CLSTN1: variants seen among roughly 807,000 people sequenced by gnomAD.
The protein encoded by CLSTN1 is calsyntenin-1.
A neutral mutation model predicts 108.3 loss-of-function variants in CLSTN1; 28 were observed. That is an observed-to-expected ratio of 0.26 (90% CI 0.19 to 0.35). CLSTN1 has a LOEUF of 0.35. Ranked by LOEUF, CLSTN1 falls within the 10% of genes least tolerant of loss-of-function variation. The probability of loss-of-function intolerance (pLI) is 1.00; values close to 1 mark genes in which losing one functional copy is unlikely to be tolerated. For synonymous variants in CLSTN1, 524 were observed against 534.9 expected (o/e 0.98, Z 0.28); for missense variants, 1,157 against 1,302.6 (o/e 0.89, Z 1.72).
At chr1:9,814,085 G>C (rs1654876604) in intron 1 of CLSTN1, among the ~76,000 whole-genome samples, 1 of 151,276 alleles carries the variant, frequency 6.6e-6, no homozygotes, top group Admixed American at 6.6e-5. Context: ...CTGGGTGACA[G>C]AGCGAGACAC....
intron 15 of CLSTN1, 31 bp from the exon 16 acceptor site, chr1:9,733,577 G>A (rs772334768): frequency 2.5e-6 from 4 of 1,612,528 alleles, no homozygotes; most frequent in Admixed American, 1.7e-5. Flanking sequence ...AAGATTGCCG[G>A]GTGGCTTAGG....
intron 10 of CLSTN1, 41 bp downstream of exon 10, chr1:9,741,053 A>G (rs1453859498): frequency 6.3e-7 from 1 of 1,598,112 alleles, no homozygotes; most frequent in Non-Finnish European, 8.6e-7. Flanking sequence ...AAGAGGTACA[A>G]CTTAATTCTC....
At chr1:9,817,534 G>A (rs1197371362) in intron 1 of CLSTN1, among the ~76,000 whole-genome samples, 1 of 151,974 alleles carries the variant, frequency 6.6e-6, no homozygotes, top group Non-Finnish European at 1.5e-5. Context: ...CTCCATGTTG[G>A]TCAGGCTGGT....
At chr1:9,779,561 A>G (rs1369765489) in intron 1 of CLSTN1, among the ~76,000 whole-genome samples, 1 of 152,150 alleles carries the variant, frequency 6.6e-6, no homozygotes, top group Non-Finnish European at 1.5e-5. Context: ...AGCCTGGGCG[A>G]CAAGAGTGAA....
intron 8 of CLSTN1, 145 bp from the exon 9 acceptor site, chr1:9,744,150 T>C: frequency 2.4e-6 from 3 of 1,239,798 alleles, no homozygotes; most frequent in Non-Finnish European, 3.3e-6. Flanking sequence ...TAGAAACAAA[T>C]ACACTTGGGC....
Position 9,749,608 on chromosome 1 carries a change from C to T in CLSTN1, c.838G>A (p.Ala280Thr), listed in dbSNP as rs761776002. The T allele has an allele frequency of 5.6e-6, 9 of 1,614,076 alleles. No homozygotes were observed. The East Asian group carries it at 1.6e-4, about 28-fold the overall frequency. ...TGGATATTTGGAAAGACGGCCAACG[C>T]GCCGGTGCCCGGCTCATACTCAATC... ...NRIEYEPGTG[A>T]LAVFPNIHLE... The change falls in exon 7 of 19, where the codon GCG (alanine) becomes ACG (threonine). Residue 280 changes from alanine to threonine, a missense_variant. Coordinates refer to ENST00000377298, the MANE Select transcript of CLSTN1 (RefSeq NM_001009566.3).
intron 2 of CLSTN1, among the ~76,000 whole-genome samples, chr1:9,769,370 C>CA (rs1253970424): frequency 6.6e-6 from 1 of 151,956 alleles, no homozygotes; most frequent in Non-Finnish European, 1.5e-5. Context: ...CCATAATAGC[C>CA]AAAAAGTAGA....
intron 1 of CLSTN1, among the ~76,000 whole-genome samples, chr1:9,821,185 T>A (rs1324877977): frequency 6.6e-6 from 1 of 152,212 alleles, no homozygotes; most frequent in Non-Finnish European, 1.5e-5. Flanking sequence ...CAGGCTGGAG[T>A]GCAGTGGCGC....
In CLSTN1 at chr1:9,744,435, G is replaced by A; in HGVS notation, c.1194C>T (p.Gly398=). The change falls in exon 8 of 19, where the codon GGC becomes GGT. Residue 398 remains glycine (G), a synonymous_variant. Transcript: ENST00000377298. ...ISVWMRHGPF[G]RKKETILCSS... ...TGCAAAGAATTGTCTCCTTCTTCCT[G>A]CCGAATGGCCCATGTCTCATCCACA... 6.2e-7 allele frequency: 1 copy of A among 1,610,430 alleles called. No individual in the cohort carries two copies. The highest frequency in any genetic ancestry group is 8.5e-7 in the Non-Finnish European group (1 of 1,179,970).
chr1:9,765,790 G>A (rs1652300581), intron 2 of CLSTN1, among the ~76,000 whole-genome samples: 3 of 152,034 alleles, frequency 2.0e-5, no homozygotes, highest in South Asian at 4.2e-4. Flanking sequence ...GGCTGAGGCA[G>A]GAGAATCGCT....
intron 1 of CLSTN1, among the ~76,000 whole-genome samples, chr1:9,804,029 G>A (rs1055006893): frequency 1.4e-4 from 21 of 152,114 alleles, no homozygotes; most frequent in African/African-American, 4.6e-4. Flanking sequence ...TGATTTTAAC[G>A]TTTACTTATA....
chr1:9,753,051 T>C (rs1027172789), intron 4 of CLSTN1, among the ~76,000 whole-genome samples: 3 of 152,102 alleles, frequency 2.0e-5, no homozygotes, highest in Non-Finnish European at 4.4e-5. Flanking sequence ...CCAGCCTTTT[T>C]GGCACCAAGG....
rs143844705 is a variant in CLSTN1 at position 9,738,041 on chromosome 1, C to T, written c.1520-487G>A. On this transcript the variant is annotated intron_variant, in intron 10 of 18. Transcript: ENST00000377298. Reference sequence around the variant, plus strand: ...CCAAGCCTGGTACACAGTAAGCATGCGGAAGTCTGTATATTTTGGAAGCTC... The same window carrying T: ...CCAAGCCTGGTACACAGTAAGCATGTGGAAGTCTGTATATTTTGGAAGCTC... Among the ~76,000 whole-genome samples the T allele has an allele frequency of 2.0e-4, 31 of 152,264 alleles. No individual in the cohort carries two copies. In the East Asian group the frequency reaches 4.2e-3, roughly 21 times the overall value.
rs1450468199 is a variant in CLSTN1, at chr1:9,755,239, A to C, written c.315T>G (p.Thr105=). Residue 105 remains threonine (T), a synonymous_variant, in exon 4 of 19, where the codon ACT becomes ACG. Transcript: ENST00000377298. The part of the protein sequence containing the change: ...PFDAVVVDKS[T]GEGVIRSKEK... ...CTTTGGAGCGAATGACTCCCTCACC[A>C]GTGGATTTATCCACTACCACTGCAT... is the stretch of plus-strand genomic sequence containing the variant. 1.2e-6 allele frequency: 2 copies of C among 1,614,136 alleles called. No homozygotes were observed. Among genetic ancestry groups the C allele is most frequent in the Non-Finnish European group, 1.7e-6 (2 of 1,179,990 alleles).
chr1:9,804,092 G>A (rs900618263), intron 1 of CLSTN1, among the ~76,000 whole-genome samples: 1 of 151,928 alleles, frequency 6.6e-6, no homozygotes, highest in Non-Finnish European at 1.5e-5. Flanking sequence ...GCCGGGTACG[G>A]TGGCTCACGC....
intron 1 of CLSTN1, among the ~76,000 whole-genome samples, chr1:9,800,073 T>C (rs1654189464): frequency 6.6e-6 from 1 of 152,132 alleles, no homozygotes; most frequent in African/African-American, 2.4e-5. Context: ...TGGGATGTAG[T>C]GAAAGCAGTG....
chr1:9,740,991 C>G, intron 10 of CLSTN1, 103 bp downstream of exon 10: 1 of 1,276,978 alleles, frequency 7.8e-7, no homozygotes. Context: ...ATCCAGGACA[C>G]GAGGGTAAGG....
chr1:9,768,884 AGAGG>A (rs1557706453), intron 2 of CLSTN1, among the ~76,000 whole-genome samples: 12 of 136,922 alleles, frequency 8.8e-5, no homozygotes. Flanking sequence ...AAGCAACAGA[AGAGG>A]GAGGGAGGGA....
At chr1:9,749,096 G>T (rs1651422403) in intron 7 of CLSTN1, among the ~76,000 whole-genome samples, 1 of 150,312 alleles carries the variant, frequency 6.7e-6, no homozygotes, top group East Asian at 2.0e-4. Flanking sequence ...TAGAGATGGG[G>T]TATCGCTGTG....
Sources: gnomAD v4.1 joint callset for allele counts (sites outside exome capture counted in the v4.1 genomes callset) on GRCh38, gnomAD v4.1.1 for gene constraint, MANE v1.5 for transcripts, NCBI Gene and HGNC (gene_info 2026-07-23, HGNC 2026-07-21) for gene names.